The following OOSP3 variants were observed in gnomAD, a reference collection of about 807,000 sequenced individuals.
OOSP3 encodes the protein oocyte secreted protein family member 3.
In OOSP3 at chr11:59,886,831, C is replaced by T. The variant is rs111288088; in HGVS notation, c.252+6392C>T. 5.5e-3 allele frequency among the ~76,000 whole-genome samples: 819 copies of T among 150,142 alleles called. 6 individuals are homozygous for T. The highest frequency in any genetic ancestry group is 0.018 in the African/African-American group (734 of 40,928). On this transcript the variant is annotated intron_variant, in intron 2 of 4. Transcript: ENST00000646438. The stretch of plus-strand genomic sequence containing the variant: ...TTTGATACGGAGTCTTGCTCTGTCA[C>T]CCAGGCTGGGGTGCAGTGGTGTGAT...
At position 59,893,514 on chromosome 11, in the gene OOSP3, C is replaced by T. The variant is rs199983760; in HGVS notation, c.253-565C>T. On this transcript the variant is annotated intron_variant, in intron 2 of 4. Transcript: ENST00000646438. ...CTGAGTGGCTTGGAACCACTCAACC[C>T]GGTTGATTGTTTTTTGATTTTTAGT... 3.3e-5 allele frequency among the ~76,000 whole-genome samples: 5 copies of T among 152,206 alleles called. No homozygotes were observed. The East Asian group carries it at 5.8e-4, about 18-fold the overall frequency.
chr11:59,892,513 G>C (rs575753331), intron 2 of OOSP3, among the ~76,000 whole-genome samples: 3 of 152,246 alleles, frequency 2.0e-5, no homozygotes, highest in African/African-American at 4.8e-5. Flanking sequence ...GGGAGATTTT[G>C]TGAAGCACTG....
chr11:59,895,706 T>C (rs1853350323), intron 4 of OOSP3, 54 bp downstream of exon 4: 3 of 398,162 alleles, frequency 7.5e-6, no homozygotes, highest in Non-Finnish European at 1.3e-5. Flanking sequence ...GAAATGATCG[T>C]ATTGACATAA....
intron 2 of OOSP3, among the ~76,000 whole-genome samples, chr11:59,892,389 C>T (rs1853320070): frequency 6.6e-6 from 1 of 151,910 alleles, no homozygotes; most frequent in Non-Finnish European, 1.5e-5. Flanking sequence ...CTGGGTACCT[C>T]AGTTGGAAAT....
chr11:59,893,132 A>G (rs1480964958), intron 2 of OOSP3, among the ~76,000 whole-genome samples: 1 of 152,230 alleles, frequency 6.6e-6, no homozygotes, highest in Admixed American at 6.5e-5. Flanking sequence ...ATAACCTTCA[A>G]TAGCAACGCA....
At chr11:59,884,022 A>G (rs562689151) in intron 2 of OOSP3, among the ~76,000 whole-genome samples, 1 of 152,338 alleles carries the variant, frequency 6.6e-6, no homozygotes, top group Non-Finnish European at 1.5e-5. Context: ...AGGATTCTGG[A>G]TTCATATACA....
intron 2 of OOSP3, among the ~76,000 whole-genome samples, chr11:59,893,506 A>G (rs1033926425): frequency 1.3e-5 from 2 of 152,062 alleles, no homozygotes; most frequent in Non-Finnish European, 2.9e-5. Context: ...GCTTGGAACC[A>G]CTCAACCCGG....
chr11:59,879,962 G>C (rs1853185366), intron 1 of OOSP3, among the ~76,000 whole-genome samples: 1 of 152,064 alleles, frequency 6.6e-6, no homozygotes, highest in Non-Finnish European at 1.5e-5. Flanking sequence ...CCAATCCATG[G>C]GCAGCCCCAT....
At chr11:59,893,556 T>C (rs978325169) in intron 2 of OOSP3, among the ~76,000 whole-genome samples, 7 of 152,154 alleles carry the variant, frequency 4.6e-5, no homozygotes, top group African/African-American at 9.7e-5. Context: ...GAGATCTTGC[T>C]ATATTGCCCA....
intron 2 of OOSP3, among the ~76,000 whole-genome samples, chr11:59,891,589 T>C (rs1374390689): frequency 2.6e-5 from 4 of 152,220 alleles, no homozygotes; most frequent in African/African-American, 4.8e-5. Context: ...GTATCGCCTG[T>C]TGAGGCCGCA....
At chr11:59,884,967 G>T (rs1853239336) in intron 2 of OOSP3, among the ~76,000 whole-genome samples, 2 of 152,194 alleles carry the variant, frequency 1.3e-5, no homozygotes, top group South Asian at 4.1e-4. Context: ...TAAGGGAAAA[G>T]CTTTCAGTCT....
chr11:59,891,597 G>T (rs534045958), intron 2 of OOSP3, among the ~76,000 whole-genome samples: 1 of 152,166 alleles, frequency 6.6e-6, no homozygotes, highest in African/African-American at 2.4e-5. Flanking sequence ...TGTTGAGGCC[G>T]CAGAACAGCA....
chr11:59,893,908 GT>G (rs1031450101), intron 2 of OOSP3, among the ~76,000 whole-genome samples, 170 bp from the exon 3 acceptor site: 1 of 152,124 alleles, frequency 6.6e-6, no homozygotes, highest in South Asian at 2.1e-4. Flanking sequence ...CTTGGATGGT[GT>G]TTTTTTAAAA....
At chr11:59,892,213 A>G (rs751937201) in intron 2 of OOSP3, among the ~76,000 whole-genome samples, 7 of 152,124 alleles carry the variant, frequency 4.6e-5, no homozygotes, top group Non-Finnish European at 8.8e-5. Flanking sequence ...TCCATGGGAA[A>G]AGTGTAGCTC....
At chr11:59,882,887 A>G (rs1439011338) in intron 2 of OOSP3, among the ~76,000 whole-genome samples, 1 of 152,148 alleles carries the variant, frequency 6.6e-6, no homozygotes, top group East Asian at 1.9e-4. Context: ...CAATCATACA[A>G]TATGTGGCCT....
intron 2 of OOSP3, among the ~76,000 whole-genome samples, chr11:59,887,124 GT>G (rs71036546): frequency 0.01 from 1,472 of 142,644 alleles, 18 homozygotes; most frequent in African/African-American, 0.029. Flanking sequence ...TTTTTTTGTT[GT>G]TTTTTTTTTT....
chr11:59,881,434 T>A (rs116755001), intron 2 of OOSP3, among the ~76,000 whole-genome samples: 50 of 152,186 alleles, frequency 3.3e-4, no homozygotes, highest in African/African-American at 1.1e-3. Context: ...AAATCTCCTG[T>A]ATCTTTTGTT....
chr11:59,881,394 T>C (rs958409469), intron 2 of OOSP3, among the ~76,000 whole-genome samples: 10 of 151,964 alleles, frequency 6.6e-5, no homozygotes, highest in Admixed American at 4.6e-4. Context: ...AATTTTTTGA[T>C]CCTTGAATGC....
chr11:59,888,689 T>C (rs182508938), intron 2 of OOSP3, among the ~76,000 whole-genome samples: 38 of 152,346 alleles, frequency 2.5e-4, no homozygotes, highest in African/African-American at 8.4e-4. Flanking sequence ...TGTTGCTAGA[T>C]TCAGTTTGCC....
Sources: allele counts gnomAD v4.1 joint callset (sites outside exome capture counted in the v4.1 genomes callset), GRCh38; gene constraint gnomAD v4.1.1; transcripts MANE v1.5; gene names NCBI Gene and HGNC (gene_info 2026-07-23, HGNC 2026-07-21).